The following GRAP2 variants were observed in gnomAD, a reference collection of about 807,000 sequenced individuals.
GRAP2 encodes the protein GRB2 related adaptor protein 2, also known as GRB2-related adapter protein 2.
A neutral mutation model predicts 43.5 loss-of-function variants in GRAP2; 31 were observed. That is an observed-to-expected ratio of 0.71 (90% confidence interval 0.54 to 0.96). The LOEUF (loss-of-function observed/expected upper bound fraction) is 0.96, where lower values mean the gene tolerates loss of function less well. GRAP2 is among the 40% of genes least tolerant of loss of function. The probability of loss-of-function intolerance (pLI) is 0.00; values close to 1 mark genes in which losing one functional copy is unlikely to be tolerated. For missense variants in GRAP2, 371 were observed against 424.4 expected, an observed-to-expected ratio of 0.87 and a Z score of 1.11; for synonymous variants, 156 against 164.8, an observed-to-expected ratio of 0.95 and a Z score of 0.41.
chr22:39,923,311 A>G (rs1019401163), intron 1 of GRAP2, among the ~76,000 whole-genome samples: 9 of 152,212 alleles, frequency 5.9e-5, no homozygotes, highest in Admixed American at 4.6e-4. Context: ...ATGTGCAAAG[A>G]GCAATATGTG....
At chr22:39,970,834 G>A in intron 7 of GRAP2, 71 bp from the exon 8 acceptor site, 15 of 1,335,840 alleles carry the variant, frequency 1.1e-5, no homozygotes, top group Non-Finnish European at 1.5e-5. Flanking sequence ...GTGGTGGGAG[G>A]AGCCAGCAGA....
At chr22:39,907,253 C>G (rs1411061355) in intron 1 of GRAP2, among the ~76,000 whole-genome samples, 1 of 152,092 alleles carries the variant, frequency 6.6e-6, no homozygotes, top group Non-Finnish European at 1.5e-5. Flanking sequence ...CAGACACATT[C>G]AAGATGTCAA....
At chr22:39,908,765 C>T (rs1249034079) in intron 1 of GRAP2, among the ~76,000 whole-genome samples, 1 of 152,076 alleles carries the variant, frequency 6.6e-6, no homozygotes, top group Non-Finnish European at 1.5e-5. Flanking sequence ...AAATTGGGCC[C>T]CTGTGTCTCA....
At chr22:39,959,064 G>A (rs542389732) in intron 3 of GRAP2, among the ~76,000 whole-genome samples, 13 of 152,318 alleles carry the variant, frequency 8.5e-5, no homozygotes, top group South Asian at 2.1e-4. Flanking sequence ...AGGAACATGC[G>A]TATGAGCCTT....
chr22:39,940,848 G>A (rs1407619642), intron 1 of GRAP2, among the ~76,000 whole-genome samples: 3 of 152,084 alleles, frequency 2.0e-5, no homozygotes, highest in Admixed American at 6.6e-5. Flanking sequence ...AAATTGATGC[G>A]CCTTAAAACT....
chr22:39,933,744 G>T (rs948810620), intron 1 of GRAP2, among the ~76,000 whole-genome samples: 1 of 152,008 alleles, frequency 6.6e-6, no homozygotes, highest in African/African-American at 2.4e-5. Context: ...AGGAGGCTGA[G>T]GCAGGAGAAT....
intron 6 of GRAP2, 25 bp from the exon 7 acceptor site, chr22:39,969,386 C>T (rs199886896): frequency 6.2e-7 from 1 of 1,612,924 alleles, no homozygotes. Context: ...AGTGGGGTGA[C>T]CAGTCTTCTG....
At position 39,955,491 on chromosome 22, in the gene GRAP2, T is replaced by C. The variant is rs111991154; in HGVS notation, c.79-328T>C. Among the ~76,000 whole-genome samples, 1,051 of 152,114 alleles carry C rather than the reference T, an allele frequency of 6.9e-3. 8 individuals carry two copies. Among genetic ancestry groups the C allele is most frequent in the African/African-American group, 0.024 (1,004 of 41,508 alleles). On this transcript the variant is annotated intron_variant, in intron 2 of 7. Transcript: ENST00000344138. ...GAGATGAGGAACTTAAGGTGCTAAC[T>C]GGGACAAATGAATTTCCAAAATAGA...
At chr22:39,919,140 GAAATAA>G (rs1288715226) in intron 1 of GRAP2, among the ~76,000 whole-genome samples, 28 of 151,906 alleles carry the variant, frequency 1.8e-4, no homozygotes, top group Admixed American at 1.8e-3. Context: ...TGTCTCTAAA[GAAATAA>G]AAATAAAAAT....
At chr22:39,898,770 G>A (rs994479238), upstream of GRAP2, among the ~76,000 whole-genome samples, 18 of 152,108 alleles carry the variant, frequency 1.2e-4, no homozygotes, top group African/African-American at 3.4e-4. Flanking sequence ...CCAAGATTGC[G>A]TCACTGTACT....
intron 1 of GRAP2, among the ~76,000 whole-genome samples, chr22:39,933,570 G>A (rs113529615): frequency 6.6e-6 from 1 of 152,078 alleles, no homozygotes; most frequent in African/African-American, 2.4e-5. Flanking sequence ...GCCGGGTATG[G>A]TGGCTCACGT....
At chr22:39,924,335 C>T (rs944825493) in intron 1 of GRAP2, among the ~76,000 whole-genome samples, 1 of 152,178 alleles carries the variant, frequency 6.6e-6, no homozygotes, top group African/African-American at 2.4e-5. Flanking sequence ...AAAAGAACTT[C>T]GGGCAGTAGC....
At chr22:39,939,593 T>C (rs921751187) in intron 1 of GRAP2, among the ~76,000 whole-genome samples, 2 of 142,008 alleles carry the variant, frequency 1.4e-5, no homozygotes, top group African/African-American at 5.3e-5. Flanking sequence ...GAAATGGTCC[T>C]GCATCTCTGA....
At chr22:39,927,900 A>G (rs2066721256) in intron 1 of GRAP2, among the ~76,000 whole-genome samples, 1 of 152,190 alleles carries the variant, frequency 6.6e-6, no homozygotes, top group Non-Finnish European at 1.5e-5. Context: ...TGGATTTGAC[A>G]AAAACTATTT....
intron 5 of GRAP2, 64 bp downstream of exon 5, chr22:39,966,222 C>T: frequency 1.5e-6 from 2 of 1,332,416 alleles, no homozygotes; most frequent in Non-Finnish European, 2.1e-6. Flanking sequence ...CTCACATGAA[C>T]CACCAGGAAA....
chr22:39,971,173 A>G lies in GRAP2; in HGVS notation c.*89A>G. On this transcript the variant is annotated 3_prime_UTR_variant, in exon 8 of 8. Transcript: ENST00000344138. ...GGCTGGACTCCATGACTATATATAC[A>G]TACATCTATCTACATCTGCCTGTGT... 1.0e-6 allele frequency: 1 copy of G among 962,128 alleles called. No individual in the cohort carries two copies. Among genetic ancestry groups the G allele is most frequent in the South Asian group, 1.5e-5 (1 of 67,916 alleles). The allele number at this position is 962,128 out of a possible 1,614,324, so 59.6% of individuals were successfully genotyped here.
At chr22:39,933,852 A>T (rs1201041785) in intron 1 of GRAP2, among the ~76,000 whole-genome samples, 1 of 151,714 alleles carries the variant, frequency 6.6e-6, no homozygotes, top group Non-Finnish European at 1.5e-5. Flanking sequence ...AAAAAAAAAA[A>T]AAGAAAAGAA....
In GRAP2 at chr22:39,923,970, C is replaced by T. The variant is rs945702071; in HGVS notation, c.-15+22640C>T. ...GCCAGTTCCTCTTTTATGAAAAATC[C>T]CACGTGCTGCTCACTGGCGTATGTA... is the stretch of plus-strand genomic sequence containing the variant. On this transcript the variant is annotated intron_variant, in intron 1 of 7. Coordinates refer to ENST00000344138, the MANE Select transcript of GRAP2 (RefSeq NM_004810.4). Among the ~76,000 whole-genome samples, 3 of 152,178 alleles carry T rather than the reference C, an allele frequency of 2.0e-5. No homozygotes were observed. In the South Asian group the frequency reaches 6.2e-4, roughly 32 times the overall value.
At chr22:39,936,278 C>T (rs2040265824) in intron 1 of GRAP2, among the ~76,000 whole-genome samples, 1 of 151,902 alleles carries the variant, frequency 6.6e-6, no homozygotes, top group South Asian at 2.1e-4. Context: ...ATTTTTAATG[C>T]TTCACTTATG....
Sources: gnomAD v4.1 joint callset for allele counts (sites outside exome capture counted in the v4.1 genomes callset) on GRCh38, gnomAD v4.1.1 for gene constraint, MANE v1.5 for transcripts, NCBI Gene and HGNC (gene_info 2026-07-23, HGNC 2026-07-21) for gene names.